The following RNF121 variants were observed in gnomAD, a reference collection of about 807,000 sequenced individuals.
The protein encoded by RNF121 is ring finger protein 121.
In RNF121, 21 loss-of-function variants were observed where a neutral mutation model predicts 46.5. The observed-to-expected ratio is 0.45, with a 90% CI of 0.32 to 0.65. The LOEUF (loss-of-function observed/expected upper bound fraction) is 0.65. Among genes scored for constraint, RNF121 ranks in the 30% least tolerant of loss-of-function variants. The pLI, the probability that RNF121 is intolerant of heterozygous loss-of-function variation, is 0.04. For missense variants in RNF121, 346 were observed against 416.0 expected, an observed-to-expected ratio of 0.83 and a Z score of 1.46; for synonymous variants, 139 against 144.7, an observed-to-expected ratio of 0.96 and a Z score of 0.28.
At chr11:71,942,803 T>TACACAAACACAC (rs56950003) in intron 1 of RNF121, among the ~76,000 whole-genome samples, 4 of 147,530 alleles carry the variant, frequency 2.7e-5, no homozygotes, top group African/African-American at 7.6e-5. Flanking sequence ...TATATATATG[T>TACACAAACACAC]ACACACACAC....
intron 5 of RNF121, among the ~76,000 whole-genome samples, chr11:71,989,341 A>AT (rs987262933): frequency 3.1e-4 from 47 of 152,148 alleles, no homozygotes; most frequent in African/African-American, 1.1e-3. Flanking sequence ...TTGGCCTCCC[A>AT]TAAGTGTTAG....
At chr11:71,966,718 G>A (rs1262853064) in intron 3 of RNF121, among the ~76,000 whole-genome samples, 1 of 151,792 alleles carries the variant, frequency 6.6e-6, no homozygotes, top group African/African-American at 2.4e-5. Context: ...TGAATTCCTG[G>A]CCTTAAGTGA....
At position 71,987,046 on chromosome 11, in the gene RNF121, T is replaced by C; in HGVS notation, c.441T>C (p.Tyr147=). 2 of 1,614,014 alleles carry C rather than the reference T, an allele frequency of 1.2e-6. No individual in the cohort carries two copies. The highest frequency in any genetic ancestry group is 1.7e-6 in the Non-Finnish European group (2 of 1,179,886). ...KWFLLIYKIS[Y]ATGIVGYMAV... ...TCCTGCTAATCTATAAAATCAGCTA[T>C]GCCACTGGCATTGTTGGCTACATGG... is the stretch of plus-strand genomic sequence containing the variant. The change falls in exon 5 of 9, where the codon TAT becomes TAC. Residue 147 remains tyrosine, a synonymous_variant. Coordinates refer to ENST00000361756, the MANE Select transcript of RNF121 (RefSeq NM_018320.5).
rs1182682846 is a variant in RNF121 at position 71,960,550 on chromosome 11, G to C, written c.102-200G>C. Reference sequence around the variant, plus strand: ...CAATATCTAGGCTTGGTTGCTGGGGGGTCCGTAGAGCCTGTATTCTATCTC... The same window carrying C: ...CAATATCTAGGCTTGGTTGCTGGGGCGTCCGTAGAGCCTGTATTCTATCTC... On this transcript the variant is annotated intron_variant, in intron 2 of 8. Transcript: ENST00000361756. Among the ~76,000 whole-genome samples, 4 of 152,092 alleles carry C rather than the reference G, an allele frequency of 2.6e-5. No homozygotes were observed. The South Asian group carries it at 8.3e-4, about 32-fold the overall frequency.
intron 3 of RNF121, among the ~76,000 whole-genome samples, chr11:71,965,241 T>A (rs1428875088): frequency 6.8e-6 from 1 of 146,446 alleles, no homozygotes; most frequent in Non-Finnish European, 1.5e-5. Flanking sequence ...CTTAAACTAA[T>A]GACTGCATAG....
intron 6 of RNF121, among the ~76,000 whole-genome samples, chr11:71,994,030 C>T (rs191665791): frequency 2.2e-4 from 34 of 151,996 alleles, no homozygotes; most frequent in African/African-American, 6.8e-4. Flanking sequence ...TTAGTAGAGA[C>T]GGGGTTTCAC....
intron 2 of RNF121, among the ~76,000 whole-genome samples, chr11:71,960,022 T>C (rs1954093114): frequency 6.6e-6 from 1 of 152,196 alleles, no homozygotes; most frequent in African/African-American, 2.4e-5. Flanking sequence ...TTTTAGCCAG[T>C]ATTAGCCAAG....
At chr11:71,980,983 C>T (rs1954637523) in intron 3 of RNF121, among the ~76,000 whole-genome samples, 1 of 151,902 alleles carries the variant, frequency 6.6e-6, no homozygotes, top group South Asian at 2.1e-4. Flanking sequence ...AGATTTTAAA[C>T]TATGTTTGTG....
At chr11:71,954,281 G>A (rs576489595) in intron 1 of RNF121, among the ~76,000 whole-genome samples, 2 of 152,116 alleles carry the variant, frequency 1.3e-5, no homozygotes, top group African/African-American at 4.8e-5. Context: ...GACTGGTTTG[G>A]ATGTAACTTA....
Position 71,960,775 on chromosome 11 carries a change from A to G in RNF121, c.127A>G (p.Lys43Glu). The G allele has an allele frequency of 1.2e-6, 2 of 1,614,096 alleles. No individual in the cohort carries two copies. Among genetic ancestry groups the G allele is most frequent in the Non-Finnish European group, 1.7e-6 (2 of 1,179,990 alleles). ...GGTCGAGCACGCACGCATGCATGCC[A>G]AGCACCGTGGCCATGAAGCTATGCA... ...WRVEHARMHA[K>E]HRGHEAMHAE... is the part of the protein sequence containing the mutation. Residue 43 changes from lysine (K) to glutamate (E), a missense_variant, in exon 3 of 9, where the codon AAG (lysine) becomes GAG (glutamate). Coordinates refer to ENST00000361756, the MANE Select transcript of RNF121 (RefSeq NM_018320.5).
chr11:71,944,902 C>G (rs1953677393), intron 1 of RNF121, among the ~76,000 whole-genome samples: 2 of 152,134 alleles, frequency 1.3e-5, no homozygotes, highest in Non-Finnish European at 2.9e-5. Flanking sequence ...TAGCTGTATG[C>G]TGTGTTAAGT....
intron 3 of RNF121, chr11:71,962,264 G>C: frequency 1.0e-6 from 1 of 983,318 alleles, no homozygotes; most frequent in Non-Finnish European, 1.2e-6. Context: ...GCGCCCGGCA[G>C]ATTTTTACAA....
chr11:71,930,824 G>T (rs1953262463), intron 1 of RNF121, among the ~76,000 whole-genome samples: 1 of 152,150 alleles, frequency 6.6e-6, no homozygotes, highest in South Asian at 2.1e-4. Flanking sequence ...TGGCAGAGGA[G>T]AAAATAACAT....
intron 3 of RNF121, among the ~76,000 whole-genome samples, chr11:71,961,966 A>ATTTTT (rs11399586): frequency 2.2e-5 from 3 of 134,290 alleles, no homozygotes; most frequent in Admixed American, 7.6e-5. Flanking sequence ...ATCTGCAAAG[A>ATTTTT]TTTTTTTTTT....
chr11:71,992,008 A>G (rs181341185), intron 6 of RNF121, among the ~76,000 whole-genome samples: 162 of 151,938 alleles, frequency 1.1e-3, no homozygotes, highest in African/African-American at 3.6e-3. Flanking sequence ...AGTCCCAGCT[A>G]CTTTGGAGAC....
Position 71,997,377 on chromosome 11 carries a change from TG to T in RNF121, c.*1065del, listed in dbSNP as rs1199878502. 1 of 151,952 alleles carries T rather than the reference TG, an allele frequency of 6.6e-6. No individual in the cohort carries two copies. Among genetic ancestry groups the T allele is most frequent in the Non-Finnish European group, 1.5e-5 (1 of 67,950 alleles). The allele number at this position is 151,952 out of a possible 1,614,324, so 9.4% of individuals were successfully genotyped here. A position where few individuals can be genotyped will look rare whatever the true frequency, so the allele number is the denominator to read the frequency against. ...TCCCTGGGCCTGACAACGGGAGTGG[TG>T]GGTGGGTGAGAACAGGTTCTGAGAG... On this transcript the variant is annotated 3_prime_UTR_variant, in exon 9 of 9. Coordinates refer to ENST00000361756, the MANE Select transcript of RNF121 (RefSeq NM_018320.5).
At chr11:71,952,299 G>A (rs898889391) in intron 1 of RNF121, among the ~76,000 whole-genome samples, 6 of 152,212 alleles carry the variant, frequency 3.9e-5, no homozygotes, top group African/African-American at 1.4e-4. Context: ...ATGTAAATTA[G>A]TGGTTGCCTT....
chr11:71,960,614 A>G, intron 2 of RNF121, 136 bp from the exon 3 acceptor site: 1 of 1,000,716 alleles, frequency 1.0e-6, no homozygotes. Flanking sequence ...CTAGCCCCTA[A>G]TTTGTGTGGT....
At position 71,977,275 on chromosome 11, in the gene RNF121, G is replaced by A. The variant is rs144041745; in HGVS notation, c.244-5486G>A. ...AAGATGAGAATCCTGAAAGTCAAAA[G>A]TGCCAAGCACCTGTGGACTGGAAAG... On this transcript the variant is annotated intron_variant, in intron 3 of 8. Coordinates refer to ENST00000361756, the MANE Select transcript of RNF121 (RefSeq NM_018320.5). 1.8e-4 allele frequency among the ~76,000 whole-genome samples: 28 copies of A among 152,314 alleles called. No homozygotes were observed. In the East Asian group the frequency reaches 5.2e-3, roughly 28 times the overall value.
Sources: allele counts gnomAD v4.1 joint callset (sites outside exome capture counted in the v4.1 genomes callset), GRCh38; gene constraint gnomAD v4.1.1; transcripts MANE v1.5; gene names NCBI Gene and HGNC (gene_info 2026-07-23, HGNC 2026-07-21).